INPP5D: variants seen among roughly 807,000 people sequenced by gnomAD.
INPP5D encodes the protein phosphatidylinositol 3,4,5-trisphosphate 5-phosphatase 1.
INPP5D carries 33 observed loss-of-function variants against 122.9 expected under a neutral mutation model. That is an observed-to-expected ratio of 0.27 (90% CI 0.20 to 0.36). The LOEUF (loss-of-function observed/expected upper bound fraction) is 0.36. INPP5D is among the 10% of genes least tolerant of loss of function. The probability of loss-of-function intolerance (pLI) is 1.00; values close to 1 mark genes in which losing one functional copy is unlikely to be tolerated. For missense variants in INPP5D, 1,053 were observed against 1,412.7 expected, an observed-to-expected ratio of 0.75 and a Z score of 4.08; for synonymous variants, 584 against 576.2, an observed-to-expected ratio of 1.01 and a Z score of -0.19.
At chr2:233,112,903 T>C (rs1328733910) in intron 2 of INPP5D, among the ~76,000 whole-genome samples, 1 of 152,028 alleles carries the variant, frequency 6.6e-6, no homozygotes, top group African/African-American at 2.4e-5. Context: ...GGTGATCCAC[T>C]CACCTCGGTT....
At chr2:233,090,448 C>G (rs954709898) in intron 2 of INPP5D, among the ~76,000 whole-genome samples, 1 of 152,030 alleles carries the variant, frequency 6.6e-6, no homozygotes, top group South Asian at 2.1e-4. Context: ...CAACCCATCT[C>G]CCCCCCATAT....
chr2:233,194,043 G>A (rs1250998147), intron 23 of INPP5D, 82 bp downstream of exon 23: 29 of 1,461,862 alleles, frequency 2.0e-5, no homozygotes, highest in Admixed American at 5.5e-5. Flanking sequence ...CAAAGCTGTC[G>A]AATATGCTCT....
chr2:233,187,762 G>A (rs192616432), intron 21 of INPP5D, among the ~76,000 whole-genome samples: 7 of 152,286 alleles, frequency 4.6e-5, no homozygotes, highest in Admixed American at 6.5e-5. Flanking sequence ...CCCCTGAGTC[G>A]TGGGGGCTCT....
intron 2 of INPP5D, among the ~76,000 whole-genome samples, chr2:233,086,189 C>CTTTCTTTCTTTCTTTCTTT (rs60296918): frequency 2.2e-4 from 29 of 129,584 alleles, no homozygotes; most frequent in East Asian, 6.9e-4. Flanking sequence ...TTCTTTCTTT[C>CTTTCTTTCTTTCTTTCTTT]CTTTTTGAGA....
intron 11 of INPP5D, among the ~76,000 whole-genome samples, chr2:233,163,417 G>A (rs1249994593): frequency 3.9e-5 from 6 of 152,140 alleles, no homozygotes; most frequent in East Asian, 3.9e-4. Context: ...CTCAATTATC[G>A]TAGCCTCAAA....
chr2:233,201,704 G>C (rs1191530757), intron 25 of INPP5D, among the ~76,000 whole-genome samples: 1 of 152,228 alleles, frequency 6.6e-6, no homozygotes, highest in African/African-American at 2.4e-5. Context: ...AAACCCTTCA[G>C]TCCTGCGTAA....
chr2:233,079,731 G>A (rs1691619720), intron 2 of INPP5D, among the ~76,000 whole-genome samples: 2 of 151,998 alleles, frequency 1.3e-5, no homozygotes, highest in Admixed American at 1.3e-4. Context: ...TCTCTCAAAG[G>A]AGAGAGAGGA....
rs1695114719 is a variant in INPP5D, at chr2:233,193,891, G to C, written c.2526G>C (p.Glu842Asp). 5 of 1,613,952 alleles carry C rather than the reference G, an allele frequency of 3.1e-6. No homozygotes were observed. The Admixed American group carries it at 8.3e-5, about 27-fold the overall frequency. Residue 842 changes from glutamate (E) to aspartate (D), a missense_variant, in exon 23 of 27, where the codon GAG (glutamate) becomes GAC (aspartate). Glu to Asp is a conservative substitution (Grantham distance 45, BLOSUM62 2). Around this residue, in one of 6 missense-constraint regions of INPP5D, gnomAD observed 258 missense variants for 439.1 expected, o/e 0.59. Transcript: ENST00000445964. ...PIYTPLTHHG[E>D]LTGHFQGEIK... ...ACACGCCTCTCACCCACCATGGGGAGTTGACAGGCCACTTCCAGGGGGAGA... is the reference window on the plus strand; with the variant it reads ...ACACGCCTCTCACCCACCATGGGGACTTGACAGGCCACTTCCAGGGGGAGA...
chr2:233,101,586 A>T (rs1002989119), intron 2 of INPP5D, among the ~76,000 whole-genome samples: 3 of 146,714 alleles, frequency 2.0e-5, no homozygotes, highest in African/African-American at 7.4e-5. Flanking sequence ...TAACATTATT[A>T]AAATCAATTA....
chr2:233,122,038 T>C, intron 2 of INPP5D, 69 bp from the exon 3 acceptor site: 2 of 1,571,784 alleles, frequency 1.3e-6, no homozygotes, highest in Non-Finnish European at 1.7e-6. Context: ...TCTGCTGCAG[T>C]TGGCCTTTGT....
intron 20 of INPP5D, 151 bp from the exon 21 acceptor site, chr2:233,185,692 A>G (rs1694893224): frequency 2.0e-6 from 2 of 992,550 alleles, no homozygotes; most frequent in African/African-American, 3.5e-5. Context: ...CCTGACTCCT[A>G]AATGATGCTG....
At position 233,082,069 on chromosome 2, in the gene INPP5D, G is replaced by T; in HGVS notation, c.198+2671G>T. The stretch of plus-strand genomic sequence containing the variant: ...GCTTTCAGAGAAGATGGGCGGCTCT[G>T]CTGGACTTCTCTGCTCCTGACCCCG... On this transcript the variant is annotated intron_variant, in intron 2 of 26. Coordinates refer to ENST00000445964, the MANE Select transcript of INPP5D (RefSeq NM_001017915.3). This position sits in a 1 kb window ranked among gnomAD's most constrained non-coding sequence, Gnocchi z 4.7. Among the ~76,000 whole-genome samples, 1 of 152,202 alleles carries T rather than the reference G, an allele frequency of 6.6e-6. No individual in the cohort carries two copies. The highest frequency in any genetic ancestry group is 1.9e-4 in the East Asian group (1 of 5,196).
chr2:233,060,904 T>A (rs1691055128), intron 1 of INPP5D, among the ~76,000 whole-genome samples: 1 of 151,484 alleles, frequency 6.6e-6, no homozygotes, highest in Non-Finnish European at 1.5e-5. Context: ...GAGAAGGGAG[T>A]TTGGGCTTTT....
rs1385586423 is a variant in INPP5D, at chr2:233,204,449, A to G, written c.3299A>G (p.Asp1100Gly). ...GCCGAGGGCAGGGCGGCCGGCGGGG[A>G]CAAGAGCCAAGGGAAGCCCAAGACC... The part of the protein sequence containing the change: ...SSAEGRAAGG[D>G]KSQGKPKTPV... Residue 1100 changes from aspartate to glycine, a missense_variant, in exon 26 of 27, where the codon GAC becomes GGC. This residue lies in a region of INPP5D where 417 missense variants were observed against 425.8 expected (regional missense o/e 0.98). Transcript: ENST00000445964. 1 of 1,598,994 alleles carries G rather than the reference A, an allele frequency of 6.3e-7. No homozygotes were observed. Among genetic ancestry groups the G allele is most frequent in the Non-Finnish European group, 8.5e-7 (1 of 1,173,924 alleles).
At chr2:233,193,373 C>T (rs185691878) in intron 22 of INPP5D, among the ~76,000 whole-genome samples, 1 of 152,328 alleles carries the variant, frequency 6.6e-6, no homozygotes, top group East Asian at 1.9e-4. Flanking sequence ...GTTCATGCAT[C>T]TGCTGGAGAG....
chr2:233,148,604 C>A (rs1218943021), intron 9 of INPP5D, among the ~76,000 whole-genome samples: 1 of 152,060 alleles, frequency 6.6e-6, no homozygotes, highest in African/African-American at 2.4e-5. Context: ...CCACATGGGG[C>A]TGGAGAACAG....
At chr2:233,155,580 G>A (rs899804312) in intron 9 of INPP5D, among the ~76,000 whole-genome samples, 1 of 151,812 alleles carries the variant, frequency 6.6e-6, no homozygotes, top group African/African-American at 2.4e-5. Flanking sequence ...CAAGATCCAC[G>A]ACTGCACTCC....
intron 9 of INPP5D, among the ~76,000 whole-genome samples, chr2:233,157,388 C>A (rs552488913): frequency 6.6e-6 from 1 of 151,272 alleles, no homozygotes; most frequent in African/African-American, 2.4e-5. Context: ...AGTAGTTGGT[C>A]ACATGGAAAA....
At chr2:233,094,104 A>C (rs554737037) in intron 2 of INPP5D, among the ~76,000 whole-genome samples, 180 of 148,058 alleles carry the variant, frequency 1.2e-3, no homozygotes, top group African/African-American at 4.5e-3. Context: ...CTCCCCCCCC[A>C]AAAAAGAGAA....
Sources: gnomAD v4.1 joint callset for allele counts (sites outside exome capture counted in the v4.1 genomes callset) on GRCh38, gnomAD v4.1.1 for gene constraint, gnomAD v4.1.1 regional missense constraint, Gnocchi (gnomAD v3.1) non-coding constraint, MANE v1.5 for transcripts, NCBI Gene and HGNC (gene_info 2026-07-23, HGNC 2026-07-21) for gene names.